SYT8: variants seen among roughly 807,000 people sequenced by gnomAD.
The protein encoded by SYT8 is synaptotagmin-8.
Under a neutral mutation model 34.9 loss-of-function variants are expected in SYT8, and 50 were observed. The observed-to-expected ratio is 1.43, with a 90% CI of 1.14 to 1.81. The LOEUF (loss-of-function observed/expected upper bound fraction) is 1.81. Among genes scored for constraint, SYT8 ranks in the 40% most tolerant of loss-of-function variants. The pLI is 0.00. For synonymous variants in SYT8, 255 were observed against 234.2 expected (o/e 1.09, Z -0.81); for missense variants, 595 against 529.0 (o/e 1.12, Z -1.22).
At chr11:1,836,335 G>A (rs1446357520) in intron 4 of SYT8, 51 bp downstream of exon 4, 3 of 1,501,072 alleles carry the variant, frequency 2.0e-6, no homozygotes, top group Non-Finnish European at 2.7e-6. Flanking sequence ...GATGGGCCTG[G>A]GCTGGGTGGG....
upstream of SYT8, among the ~76,000 whole-genome samples, chr11:1,832,356 G>C (rs6578853): frequency 3.4e-4 from 51 of 152,218 alleles, no homozygotes; most frequent in South Asian, 1.0e-3. Context: ...CGGTGGCCAG[G>C]GGGGAGCCGG....
chr11:1,836,043 G>T (rs1208835712), intron 3 of SYT8, 59 bp downstream of exon 3: 5 of 1,584,430 alleles, frequency 3.2e-6, no homozygotes, highest in Non-Finnish European at 4.3e-6. Context: ...AGGGTGACGG[G>T]GGAAGGGCAG....
At chr11:1,834,667 C>A (rs1300675783), upstream of SYT8, 19 of 1,517,636 alleles carry the variant, frequency 1.3e-5, 1 homozygote, top group Middle Eastern at 3.4e-4. The surrounding 1 kb of genome is among the most constrained non-coding windows in gnomAD (Gnocchi z 4.5). Flanking sequence ...AGAGATGAGA[C>A]CCCCAGGGAT....
chr11:1,836,931 C>T, intron 6 of SYT8, 26 bp from the exon 7 acceptor site: 1 of 1,612,984 alleles, frequency 6.2e-7, no homozygotes, highest in Admixed American at 1.7e-5. Context: ...CCCTGGGATG[C>T]CCCTTCGGCA....
upstream of SYT8, chr11:1,831,977 AG>A: frequency 2.8e-6 from 1 of 355,646 alleles, no homozygotes; most frequent in South Asian, 2.0e-5. Context: ...GCTCACGGAA[AG>A]GTGTTCCCAC....
chr11:1,837,465 C>G lies in SYT8; in HGVS notation c.*34C>G, dbSNP rs1243053055. On this transcript the variant is annotated 3_prime_UTR_variant, in exon 8 of 8. Coordinates refer to ENST00000341958, the MANE Select transcript of SYT8 (RefSeq NM_001394072.1). ...CATGCCTCTGTCTCCCCGCTGAGCC[C>G]AGGCACTTGCCCAGGCCGCCCTGCA... 1.9e-6 allele frequency: 3 copies of G among 1,596,526 alleles called. No homozygotes were observed. Among genetic ancestry groups the G allele is most frequent in the Non-Finnish European group, 2.6e-6 (3 of 1,175,622 alleles).
At chr11:1,835,750 C>T (rs914879917) in intron 2 of SYT8, 136 bp from the exon 3 acceptor site, 17 of 846,770 alleles carry the variant, frequency 2.0e-5, no homozygotes, top group African/African-American at 6.9e-5. Flanking sequence ...GCGAAGCCGA[C>T]GATTTGTGCC....
At chr11:1,835,535 G>C in intron 2 of SYT8, 76 bp downstream of exon 2, 1 of 1,545,320 alleles carries the variant, frequency 6.5e-7, no homozygotes, top group East Asian at 2.3e-5. Flanking sequence ...GCAGCGAGGC[G>C]AGTTCAGCCC....
chr11:1,837,378 A>C lies in SYT8; in HGVS notation c.1111A>C (p.Met371Leu). ...PLRPAREVDR[M>L]LALQPRLRLR... ...GCGGCCAGCCAGGGAGGTGGACCGC[A>C]TGCTGGCCCTGCAGCCCCGCCTTCG... The change falls in exon 8 of 8, where the codon ATG becomes CTG. Residue 371 changes from methionine (M) to leucine (L), a missense_variant. Transcript: ENST00000341958. 6.2e-7 allele frequency: 1 copy of C among 1,602,276 alleles called. No homozygotes were observed. The highest frequency in any genetic ancestry group is 8.5e-7 in the Non-Finnish European group (1 of 1,179,132).
In SYT8 at chr11:1,836,021, G is replaced by A. The variant is rs750046253; in HGVS notation, c.357+37G>A. The stretch of plus-strand genomic sequence containing the variant: ...CGCTGCGCAGGACCAGCGGTTCTGC[G>A]AGTTTCCGGAAAGGGTGACGGGGGA... On this transcript the variant is annotated intron_variant, in intron 3 of 7. Coordinates refer to ENST00000341958, the MANE Select transcript of SYT8 (RefSeq NM_001394072.1). 3.6e-5 allele frequency: 58 copies of A among 1,590,532 alleles called. No individual in the cohort carries two copies. In the East Asian group the frequency reaches 7.0e-4, roughly 19 times the overall value.
At position 1,836,295 on chromosome 11, in the gene SYT8, G is replaced by A. The variant is rs1284936169; in HGVS notation, c.516+11G>A. Reference sequence around the variant, plus strand: ...ACCTGCTGCTTCCACGTGAGTCAGGGATGGTCGGCTGGGTGGGCCTGGACG... The same window carrying A: ...ACCTGCTGCTTCCACGTGAGTCAGGAATGGTCGGCTGGGTGGGCCTGGACG... On this transcript the variant is annotated intron_variant, in intron 4 of 7. Transcript: ENST00000341958. The A allele has an allele frequency of 4.6e-6, 7 of 1,536,410 alleles. No homozygotes were observed. The highest frequency in any genetic ancestry group is 1.4e-5 in the African/African-American group (1 of 72,744).
At chr11:1,836,922 C>G (rs746869374) in intron 6 of SYT8, 35 bp from the exon 7 acceptor site, 4 of 1,613,018 alleles carry the variant, frequency 2.5e-6, no homozygotes, top group Admixed American at 1.7e-5. Context: ...AGCCCCGAGC[C>G]CTGGGATGCC....
In SYT8 at chr11:1,836,115, C is replaced by G. The variant is rs1846905846; in HGVS notation, c.358-11C>G. The G allele has an allele frequency of 3.3e-6, 5 of 1,507,142 alleles. No homozygotes were observed. Among genetic ancestry groups the G allele is most frequent in the Non-Finnish European group, 4.4e-6 (5 of 1,127,950 alleles). The allele number at this position is 1,507,142 out of a possible 1,614,324, so 93.4% of individuals were successfully genotyped here. ...GGGGCCCTTGGCTGAGCCCACCCCG[C>G]TGGCTCCCAGATCAGGGTGGGCCTG... On this transcript the variant is annotated splice_polypyrimidine_tract_variant and intron_variant, in intron 3 of 7. Coordinates refer to ENST00000341958, the MANE Select transcript of SYT8 (RefSeq NM_001394072.1).
chr11:1,835,438 C>T lies in SYT8; in HGVS notation c.237C>T (p.Arg79=), dbSNP rs369395592. 525 of 1,609,486 alleles carry T rather than the reference C, an allele frequency of 3.3e-4. 1 individual carries two copies. The highest frequency in any genetic ancestry group is 4.2e-4 in the Non-Finnish European group (491 of 1,179,570). ...AGTCCGTGGGTCTGGGCAGTGCCCG[C>T]GGCACCACCACCACCCACCTGGTGA... is the stretch of plus-strand genomic sequence containing the variant. ...DKESVGLGSA[R]GTTTTHLVQP... is the part of the protein sequence containing the mutation. The change falls in exon 2 of 8, where the codon CGC becomes CGT. Residue 79 remains arginine (R), a synonymous_variant. Transcript: ENST00000341958.
At position 1,836,276 on chromosome 11, in the gene SYT8, TG is replaced by T; in HGVS notation, c.509del (p.Cys170SerfsTer79). The stretch of plus-strand genomic sequence containing the variant: ...CTGCCCCGTGTTTGACGAGACCTGC[TG>T]CTTCCACGTGAGTCAGGGATGGTCG... Reference protein sequence around the residue: ...TLCPVFDETCCFHIPQAELPG... With the variant: ...TLCPVFDETCXFHIPQAELPG... On this transcript the variant is annotated frameshift_variant, in exon 4 of 8. Coordinates refer to ENST00000341958, the MANE Select transcript of SYT8 (RefSeq NM_001394072.1). LOFTEE classifies it high-confidence loss of function. 6.4e-7 allele frequency: 1 copy of T among 1,551,700 alleles called. No individual in the cohort carries two copies. The highest frequency in any genetic ancestry group is 1.3e-5 in the South Asian group (1 of 79,988).
upstream of SYT8, chr11:1,834,436 G>A (rs1469835557): frequency 1.0e-5 from 8 of 795,240 alleles, no homozygotes; most frequent in African/African-American, 3.4e-5. The surrounding 1 kb of genome is among the most constrained non-coding windows in gnomAD (Gnocchi z 4.5). Context: ...CAGGCGCTGC[G>A]GCCCTGAGCC....
At chr11:1,832,562 C>G (rs73410915), upstream of SYT8, among the ~76,000 whole-genome samples, 1 of 152,054 alleles carries the variant, frequency 6.6e-6, no homozygotes, top group Non-Finnish European at 1.5e-5. Context: ...CCAAGGGTCT[C>G]CAGGGCACTG....
upstream of SYT8, chr11:1,831,913 C>T (rs1245702807): frequency 2.7e-6 from 1 of 367,296 alleles, no homozygotes; most frequent in African/African-American, 2.1e-5. Context: ...GCATTTACAC[C>T]TGGGGGGCTG....
rs773145151 is a variant in SYT8 at position 1,837,299 on chromosome 11, C to A, written c.1032C>A (p.His344Gln). 2 of 1,591,624 alleles carry A rather than the reference C, an allele frequency of 1.3e-6. No individual in the cohort carries two copies. The highest frequency in any genetic ancestry group is 1.7e-6 in the Non-Finnish European group (2 of 1,174,202). The change falls in exon 8 of 8, where the codon CAC (histidine) becomes CAA (glutamine). Residue 344 changes from histidine (H) to glutamine (Q), a missense_variant. Coordinates refer to ENST00000341958, the MANE Select transcript of SYT8 (RefSeq NM_001394072.1). The part of the protein sequence containing the change: ...GARASGQPLQ[H>Q]WADMLAHARR... ...GGGCCTCGGGGCAGCCCCTGCAGCACTGGGCAGACATGCTGGCCCACGCCC... is the reference window on the plus strand; with the variant it reads ...GGGCCTCGGGGCAGCCCCTGCAGCAATGGGCAGACATGCTGGCCCACGCCC...
Sources: gnomAD v4.1 joint callset for allele counts (sites outside exome capture counted in the v4.1 genomes callset) on GRCh38, gnomAD v4.1.1 for gene constraint, Gnocchi (gnomAD v3.1) non-coding constraint, MANE v1.5 for transcripts, NCBI Gene and HGNC (gene_info 2026-07-23, HGNC 2026-07-21) for gene names.